CREM: variants seen among roughly 807,000 people sequenced by gnomAD.
The protein encoded by CREM is cAMP responsive element modulator.
A neutral mutation model predicts 37.3 loss-of-function variants in CREM; 13 were observed. The observed-to-expected ratio is 0.35, with a 90% CI of 0.23 to 0.55. CREM has a LOEUF of 0.55. Among genes scored for constraint, CREM ranks in the 20% least tolerant of loss-of-function variants. The pLI is 0.88. For synonymous variants in CREM, 124 were observed against 120.2 expected, an observed-to-expected ratio of 1.03 and a Z score of -0.21; for missense variants, 296 against 362.3, an observed-to-expected ratio of 0.82 and a Z score of 1.49.
At chr10:35,167,021 A>G (rs965019511) in intron 3 of CREM, among the ~76,000 whole-genome samples, 9 of 151,970 alleles carry the variant, frequency 5.9e-5, no homozygotes, top group African/African-American at 2.2e-4. Flanking sequence ...CATGCCTATA[A>G]TCCTAGCTAT....
chr10:35,158,458 G>A, intron 3 of CREM: 1 of 264,460 alleles, frequency 3.8e-6, no homozygotes, highest in Non-Finnish European at 7.6e-6. Context: ...GCCTGCAGAG[G>A]GTAAAAAGAG....
At chr10:35,169,276 A>G (rs1052061859) in intron 3 of CREM, among the ~76,000 whole-genome samples, 3 of 152,058 alleles carry the variant, frequency 2.0e-5, no homozygotes, top group African/African-American at 7.2e-5. Context: ...TATTTCATTG[A>G]GCAGTGGTTT....
intron 2 of CREM, among the ~76,000 whole-genome samples, chr10:35,147,509 T>C (rs1332418031): frequency 6.6e-6 from 1 of 152,196 alleles, no homozygotes; most frequent in Non-Finnish European, 1.5e-5. Context: ...CAGAAGTTTT[T>C]CCTGGAAAAA....
chr10:35,132,011 C>G (rs191489303), intron 1 of CREM, among the ~76,000 whole-genome samples: 48 of 152,050 alleles, frequency 3.2e-4, no homozygotes, highest in Admixed American at 1.9e-3. Flanking sequence ...ACCAGCCTGA[C>G]CAAACATGGT....
Position 35,148,510 on chromosome 10 carries a change from C to A in CREM, c.168+19C>A. On this transcript the variant is annotated intron_variant, in intron 3 of 7. Transcript: ENST00000685392. ...AGCTCAGGTAGGCAATAGGCAGGCA[C>A]CGTTGAAAGTCAAAATATATGGAAA... 6.3e-7 allele frequency: 1 copy of A among 1,597,952 alleles called. No homozygotes were observed. The highest frequency in any genetic ancestry group is 8.5e-7 in the Non-Finnish European group (1 of 1,174,516).
intron 6 of CREM, among the ~76,000 whole-genome samples, chr10:35,197,760 T>C (rs2095253557): frequency 6.6e-6 from 1 of 152,084 alleles, no homozygotes; most frequent in Non-Finnish European, 1.5e-5. Context: ...CTCGGCCTCA[T>C]TTTACTTTAT....
At chr10:35,178,067 C>A (rs1452473366) in intron 3 of CREM, among the ~76,000 whole-genome samples, 6 of 152,018 alleles carry the variant, frequency 3.9e-5, no homozygotes, top group Non-Finnish European at 5.9e-5. Context: ...TGATTTTGTC[C>A]AAATCAATTT....
chr10:35,148,364 T>G lies in CREM; in HGVS notation c.45-4T>G, dbSNP rs182779938. 5.6e-6 allele frequency: 9 copies of G among 1,608,592 alleles called. No individual in the cohort carries two copies. The East Asian group carries it at 2.0e-4, about 36-fold the overall frequency. On this transcript the variant is annotated splice_polypyrimidine_tract_variant and splice_region_variant and intron_variant, in intron 2 of 7. Coordinates refer to ENST00000685392, the MANE Select transcript of CREM (RefSeq NM_183011.2). ...ATTTGTCTTCCTTTTTATTGTCTTT[T>G]CAGACAAATGACCATGGAAACAGTT...
chr10:35,153,514 T>G (rs996038602), intron 3 of CREM, among the ~76,000 whole-genome samples: 4 of 152,054 alleles, frequency 2.6e-5, no homozygotes, highest in Admixed American at 6.5e-5. Flanking sequence ...GGCAGTAGAG[T>G]GGACACCTTG....
chr10:35,141,838 G>GA (rs1391719351), intron 2 of CREM, among the ~76,000 whole-genome samples: 1 of 152,140 alleles, frequency 6.6e-6, no homozygotes, highest in African/African-American at 2.4e-5. Context: ...GGAAGAGAAG[G>GA]AATTGTCAGG....
chr10:35,203,088 T>C (rs2095425131), intron 6 of CREM, among the ~76,000 whole-genome samples: 1 of 151,950 alleles, frequency 6.6e-6, no homozygotes, highest in African/African-American at 2.4e-5. Flanking sequence ...AGGGTCTTAC[T>C]CTGTCGCTCA....
intron 2 of CREM, among the ~76,000 whole-genome samples, chr10:35,139,995 A>G (rs918773214): frequency 5.9e-5 from 9 of 152,164 alleles, no homozygotes; most frequent in Admixed American, 1.3e-4. Flanking sequence ...TGAGTCCTGT[A>G]TAGGAGTTGG....
At chr10:35,149,323 G>C (rs891781107) in intron 3 of CREM, among the ~76,000 whole-genome samples, 1 of 152,208 alleles carries the variant, frequency 6.6e-6, no homozygotes, top group Non-Finnish European at 1.5e-5. Context: ...CACAGAGCCA[G>C]AGCATGGGAT....
At chr10:35,131,645 A>AC (rs2089405790) in intron 1 of CREM, among the ~76,000 whole-genome samples, 1 of 152,208 alleles carries the variant, frequency 6.6e-6, no homozygotes, top group Admixed American at 6.5e-5. Context: ...TTCTGCACTT[A>AC]GAAAGATACA....
At chr10:35,205,204 A>G (rs115603115) in intron 6 of CREM, among the ~76,000 whole-genome samples, 391 of 152,358 alleles carry the variant, frequency 2.6e-3, no homozygotes, top group African/African-American at 9.1e-3. Flanking sequence ...TGCAGTAGAC[A>G]AATTTTGAAT....
Position 35,140,675 on chromosome 10 carries a change from G to A in CREM, c.44+2796G>A, listed in dbSNP as rs533685018. On this transcript the variant is annotated intron_variant, in intron 2 of 7. Coordinates refer to ENST00000685392, the MANE Select transcript of CREM (RefSeq NM_183011.2). ...TATAACAGACTTGTAAATGCTTTGGGAACTCAAAAGAGAATAACTAATTCT... is the reference window on the plus strand; with the variant it reads ...TATAACAGACTTGTAAATGCTTTGGAAACTCAAAAGAGAATAACTAATTCT... Among the ~76,000 whole-genome samples, 22 of 152,262 alleles carry A rather than the reference G, an allele frequency of 1.4e-4. No homozygotes were observed. The East Asian group carries it at 2.7e-3, about 19-fold the overall frequency.
chr10:35,147,346 C>T (rs1206376091), intron 2 of CREM, among the ~76,000 whole-genome samples: 1 of 152,002 alleles, frequency 6.6e-6, no homozygotes, highest in Non-Finnish European at 1.5e-5. Context: ...AGCCACCGTG[C>T]CCGGCCTCTA....
At chr10:35,168,535 C>A (rs1391329814) in intron 3 of CREM, among the ~76,000 whole-genome samples, 1 of 152,046 alleles carries the variant, frequency 6.6e-6, no homozygotes, top group African/African-American at 2.4e-5. Context: ...AAATTTTTTC[C>A]CATTCTGTAG....
intron 2 of CREM, among the ~76,000 whole-genome samples, chr10:35,139,253 G>A (rs2091089214): frequency 1.3e-5 from 2 of 151,914 alleles, no homozygotes; most frequent in Admixed American, 6.6e-5. Context: ...CCGAGTAGCT[G>A]GGATTATAGG....
Sources: gnomAD v4.1 joint callset for allele counts (sites outside exome capture counted in the v4.1 genomes callset) on GRCh38, gnomAD v4.1.1 for gene constraint, MANE v1.5 for transcripts, NCBI Gene and HGNC (gene_info 2026-07-23, HGNC 2026-07-21) for gene names.